Variants in SYTL5 observed in about 807,000 individuals in gnomAD.
The protein encoded by SYTL5 is synaptotagmin like 5, also known as synaptotagmin-like protein 5.
Under a neutral mutation model 55.9 loss-of-function variants are expected in SYTL5, and 34 were observed. The ratio of observed to expected loss-of-function variants is 0.61; its 90% CI spans 0.46 to 0.81. The LOEUF (loss-of-function observed/expected upper bound fraction) is 0.81, where lower values mean the gene tolerates loss of function less well. Ranked by LOEUF, SYTL5 falls within the 30% of genes least tolerant of loss-of-function variation. The pLI, the probability that SYTL5 is intolerant of heterozygous loss-of-function variation, is 0.00. For missense variants in SYTL5, 637 were observed against 546.7 expected, an observed-to-expected ratio of 1.17 and a Z score of -1.65; for synonymous variants, 221 against 188.7, an observed-to-expected ratio of 1.17 and a Z score of -1.40.
At chrX:37,937,552 G>A in the SYTL5 span, among the ~76,000 whole-genome samples, 2 of 111,744 alleles carry the variant, frequency 1.8e-5, no homozygotes, top group African/African-American at 3.3e-5. Flanking sequence ...CTCCCCCAAA[G>A]CCTCTTGAAA....
chrX:37,994,979 A>G, the SYTL5 span, among the ~76,000 whole-genome samples: 3 of 111,107 alleles, frequency 2.7e-5, no homozygotes, highest in Non-Finnish European at 3.8e-5. Context: ...AGGAGAAGCT[A>G]TCCCCAGAGA....
chrX:38,015,479 T>G (rs1170565689), intron 1 of SYTL5, among the ~76,000 whole-genome samples: 1 of 111,675 alleles, frequency 9.0e-6, no homozygotes, highest in African/African-American at 3.3e-5. Flanking sequence ...TAACTTAGTT[T>G]CTGTAACATA....
At chrX:38,001,097 T>C in the SYTL5 span, among the ~76,000 whole-genome samples, 7 of 110,928 alleles carry the variant, frequency 6.3e-5, no homozygotes, top group Non-Finnish European at 1.1e-4. Context: ...CCTAGGTCCC[T>C]GGTCACAGGC....
chrX:38,029,357 C>A (rs1390927323), intron 1 of SYTL5, among the ~76,000 whole-genome samples: 2 of 112,336 alleles, frequency 1.8e-5, no homozygotes, highest in African/African-American at 6.5e-5. Flanking sequence ...ACCAAAAACG[C>A]ATTTCAGTTT....
chrX:37,980,841 G>A, the SYTL5 span, among the ~76,000 whole-genome samples: 1 of 112,071 alleles, frequency 8.9e-6, no homozygotes, highest in African/African-American at 3.2e-5. Context: ...TCTACCTTAG[G>A]TGTGGCAACA....
At chrX:38,101,166 T>C (rs778052798) in intron 9 of SYTL5, among the ~76,000 whole-genome samples, 3 of 111,315 alleles carry the variant, frequency 2.7e-5, no homozygotes, top group African/African-American at 9.7e-5. Context: ...AGTATACGCT[T>C]ATGCAGTTAA....
chrX:38,109,734 G>T (rs1391413690), intron 12 of SYTL5, among the ~76,000 whole-genome samples: 39 of 108,936 alleles, frequency 3.6e-4, no homozygotes, highest in Non-Finnish European at 2.5e-4. Context: ...GAAGGCTGGA[G>T]GGTGTGTGAG....
chrX:37,986,354 T>C, the SYTL5 span, among the ~76,000 whole-genome samples: 5 of 111,127 alleles, frequency 4.5e-5, no homozygotes, highest in South Asian at 1.1e-3. Context: ...AGGGTCGTGA[T>C]TGACTGACCA....
intron 1 of SYTL5, among the ~76,000 whole-genome samples, chrX:38,008,882 A>G (rs1934080909): frequency 8.9e-6 from 1 of 112,082 alleles, no homozygotes; most frequent in African/African-American, 3.2e-5. Flanking sequence ...GGCATTGCTG[A>G]GCACTGAAGT....
At chrX:38,126,559 CAT>C (rs754639557) in intron 16 of SYTL5, 27 bp from the exon 17 acceptor site, 7 of 1,207,341 alleles carry the variant, frequency 5.8e-6, no homozygotes, top group South Asian at 1.8e-5. Flanking sequence ...TCATGTGTGA[CAT>C]AAAATTTTCC....
chrX:37,921,002 T>C, the SYTL5 span, among the ~76,000 whole-genome samples: 5 of 111,422 alleles, frequency 4.5e-5, no homozygotes, highest in Non-Finnish European at 3.8e-5. Flanking sequence ...CCTCCAGTAA[T>C]AGAGAGGAAA....
At chrX:38,000,529 C>T in the SYTL5 span, among the ~76,000 whole-genome samples, 7 of 111,790 alleles carry the variant, frequency 6.3e-5, no homozygotes, top group African/African-American at 1.3e-4. Flanking sequence ...GACCCCATGG[C>T]GGTATCTAAA....
chrX:37,890,547 C>T, the SYTL5 span, among the ~76,000 whole-genome samples: 1 of 111,440 alleles, frequency 9.0e-6, no homozygotes, highest in Non-Finnish European at 1.9e-5. Flanking sequence ...ATTATTGGGC[C>T]GCAAGGATCA....
chrX:38,048,302 C>G (rs760638470), intron 2 of SYTL5, among the ~76,000 whole-genome samples: 8 of 109,583 alleles, frequency 7.3e-5, no homozygotes, highest in Non-Finnish European at 1.3e-4. Context: ...TCATTTTGGT[C>G]AAGGCCATTC....
intron 6 of SYTL5, among the ~76,000 whole-genome samples, chrX:38,085,844 C>A (rs1378731797): frequency 9.0e-6 from 1 of 110,950 alleles, no homozygotes; most frequent in Non-Finnish European, 1.9e-5. Context: ...ATCTCTACCC[C>A]CTATCCTTGG....
At chrX:38,016,241 T>A (rs773344942) in intron 1 of SYTL5, among the ~76,000 whole-genome samples, 1 of 112,258 alleles carries the variant, frequency 8.9e-6, no homozygotes, top group African/African-American at 3.2e-5. Context: ...AAAATAGCTA[T>A]GGTTTTGGCT....
chrX:38,101,093 A>G (rs779969464), intron 9 of SYTL5, among the ~76,000 whole-genome samples: 7 of 111,852 alleles, frequency 6.3e-5, no homozygotes, highest in Admixed American at 1.9e-4. Flanking sequence ...AAAGGAATAT[A>G]TAGCATTTAA....
At position 38,033,864 on chromosome X, in the gene SYTL5, C is replaced by G; in HGVS notation, c.-26C>G. On this transcript the variant is annotated 5_prime_UTR_variant, in exon 2 of 17. Coordinates refer to ENST00000297875, the MANE Select transcript of SYTL5 (RefSeq NM_138780.3). ...CACCTTCTTGAAGATTCAACCACTGCTACTCAGAGCTGCTGCTGAAATACC... is the reference window on the plus strand; with the variant it reads ...CACCTTCTTGAAGATTCAACCACTGGTACTCAGAGCTGCTGCTGAAATACC... 1.1e-6 allele frequency: 1 copy of G among 908,022 alleles called. No individual in the cohort carries two copies. The highest frequency in any genetic ancestry group is 1.6e-6 in the Non-Finnish European group (1 of 633,640). The allele number at this position is 908,022 out of a possible 1,213,427, so 74.8% of individuals were successfully genotyped here.
chrX:37,919,557 C>T, the SYTL5 span, among the ~76,000 whole-genome samples: 1 of 111,885 alleles, frequency 8.9e-6, no homozygotes, highest in East Asian at 2.8e-4. Context: ...CTCACCCTTG[C>T]TCTTTAACCC....
Sources: allele counts gnomAD v4.1 joint callset (sites outside exome capture counted in the v4.1 genomes callset), GRCh38; gene constraint gnomAD v4.1.1; transcripts MANE v1.5; gene names NCBI Gene and HGNC (gene_info 2026-07-23, HGNC 2026-07-21).